PRKN: variants seen among roughly 807,000 people sequenced by gnomAD.
PRKN encodes the protein parkin RBR E3 ubiquitin protein ligase, also known as E3 ubiquitin-protein ligase parkin.
In PRKN, 56 loss-of-function variants were observed where a neutral mutation model predicts 59.5. The ratio of observed to expected loss-of-function variants is 0.94; its 90% CI spans 0.76 to 1.18. The LOEUF (loss-of-function observed/expected upper bound fraction) is 1.18, where lower values mean the gene tolerates loss of function less well. Ranked by LOEUF, PRKN falls within the 50% of genes most tolerant of loss-of-function variation. The probability of loss-of-function intolerance (pLI) is 0.00; values close to 1 mark genes in which losing one functional copy is unlikely to be tolerated. For synonymous variants in PRKN, 250 were observed against 222.1 expected (o/e 1.13, Z -1.12); for missense variants, 657 against 596.4 (o/e 1.10, Z -1.06).
At chr6:162,216,117 T>A (rs1777639628) in intron 3 of PRKN, among the ~76,000 whole-genome samples, 1 of 152,292 alleles carries the variant, frequency 6.6e-6, no homozygotes, top group African/African-American at 2.4e-5. Context: ...GGATGGGGAA[T>A]AGCTGCAGCC....
intron 9 of PRKN, among the ~76,000 whole-genome samples, chr6:161,523,177 T>A (rs1226111509): frequency 5.9e-5 from 9 of 152,236 alleles, no homozygotes; most frequent in Admixed American, 5.9e-4. Context: ...TCTATTATGC[T>A]AAGATAATTT....
intron 1 of PRKN, among the ~76,000 whole-genome samples, chr6:162,611,157 T>C (rs1345090274): frequency 1.3e-5 from 2 of 152,302 alleles, no homozygotes; most frequent in East Asian, 3.9e-4. Flanking sequence ...TAAAGACTGC[T>C]AGTACCATAT....
At chr6:162,376,353 A>G (rs927685345) in intron 2 of PRKN, among the ~76,000 whole-genome samples, 7 of 152,108 alleles carry the variant, frequency 4.6e-5, no homozygotes, top group Non-Finnish European at 8.8e-5. Context: ...ATTGTATTAT[A>G]TTACCAGTTT....
At chr6:162,035,827 G>T (rs1434754940) in intron 5 of PRKN, among the ~76,000 whole-genome samples, 1 of 152,110 alleles carries the variant, frequency 6.6e-6, no homozygotes, top group Admixed American at 6.5e-5. Context: ...AATAAATGAT[G>T]CATAAAAAGT....
At chr6:161,673,854 T>A (rs138508665) in intron 7 of PRKN, among the ~76,000 whole-genome samples, 1 of 152,162 alleles carries the variant, frequency 6.6e-6, no homozygotes, top group African/African-American at 2.4e-5. Flanking sequence ...AGATGATGCT[T>A]GTGTCCATTT....
chr6:161,652,568 G>A (rs1400319610), intron 7 of PRKN, among the ~76,000 whole-genome samples: 3 of 152,094 alleles, frequency 2.0e-5, no homozygotes, highest in Non-Finnish European at 2.9e-5. Flanking sequence ...AATGTGTAGC[G>A]ATAAGGGATT....
At chr6:161,814,897 TC>T (rs1452764710) in intron 6 of PRKN, among the ~76,000 whole-genome samples, 2 of 152,132 alleles carry the variant, frequency 1.3e-5, no homozygotes, top group Non-Finnish European at 2.9e-5. Context: ...TTCAATTACC[TC>T]CCACAGGGTC....
At chr6:162,533,907 G>C (rs1048920013) in intron 1 of PRKN, among the ~76,000 whole-genome samples, 2 of 149,622 alleles carry the variant, frequency 1.3e-5, no homozygotes, top group African/African-American at 4.9e-5. Flanking sequence ...GGAGGCAGAG[G>C]TTGCAGTGAG....
At chr6:162,604,379 C>G (rs1347882541) in intron 1 of PRKN, among the ~76,000 whole-genome samples, 1 of 152,168 alleles carries the variant, frequency 6.6e-6, no homozygotes, top group East Asian at 1.9e-4. Flanking sequence ...TTGCTTTCCC[C>G]TGTAGCTTCC....
At chr6:162,276,707 C>G (rs12153904) in intron 2 of PRKN, among the ~76,000 whole-genome samples, 19,825 of 144,328 alleles carry the variant, frequency 0.14, 1,922 homozygotes, top group East Asian at 0.55. Flanking sequence ...GTGTGTGTGT[C>G]TGTGTGTGTG....
intron 2 of PRKN, among the ~76,000 whole-genome samples, chr6:162,417,868 G>T (rs1471823633): frequency 5.9e-5 from 9 of 152,156 alleles, no homozygotes; most frequent in African/African-American, 2.2e-4. Context: ...CACCTTCATA[G>T]TAGACTTTTC....
intron 7 of PRKN, among the ~76,000 whole-genome samples, chr6:161,665,938 C>G (rs188690578): frequency 6.6e-6 from 1 of 152,078 alleles, no homozygotes; most frequent in Non-Finnish European, 1.5e-5. Flanking sequence ...CCAGCCCATG[C>G]CCAGCATGGA....
intron 3 of PRKN, among the ~76,000 whole-genome samples, chr6:162,262,276 A>G (rs542464101): frequency 1.1e-4 from 17 of 152,294 alleles, no homozygotes; most frequent in African/African-American, 3.8e-4. Flanking sequence ...ATTTTTCTAC[A>G]TCACTAGAAA....
chr6:162,095,654 T>G (rs1323788820), intron 4 of PRKN, among the ~76,000 whole-genome samples: 2 of 152,202 alleles, frequency 1.3e-5, no homozygotes, highest in Non-Finnish European at 2.9e-5. Flanking sequence ...TTACTCATTT[T>G]GCATTTCTTT....
At chr6:161,610,895 A>C (rs1397239131) in intron 7 of PRKN, among the ~76,000 whole-genome samples, 1 of 152,146 alleles carries the variant, frequency 6.6e-6, no homozygotes, top group Non-Finnish European at 1.5e-5. Flanking sequence ...GGTGTCACCG[A>C]AGAGGTAGAG....
Position 161,579,182 on chromosome 6 carries a change from T to C in PRKN, c.872-9766A>G, listed in dbSNP as rs1781246192. On this transcript the variant is annotated intron_variant, in intron 7 of 11. Coordinates refer to ENST00000366898, the MANE Select transcript of PRKN (RefSeq NM_004562.3). This position sits in a 1 kb window ranked among gnomAD's most constrained non-coding sequence, Gnocchi z 4.2. The stretch of plus-strand genomic sequence containing the variant: ...ATGGAATTTTGTGCTCTCTTTAATA[T>C]GTTTTTCCACAGATTATGGTGGTTG... Among the ~76,000 whole-genome samples, 1 of 152,232 alleles carries C rather than the reference T, an allele frequency of 6.6e-6. No homozygotes were observed.
chr6:162,398,943 A>T (rs533554103), intron 2 of PRKN, among the ~76,000 whole-genome samples: 1 of 152,314 alleles, frequency 6.6e-6, no homozygotes, highest in South Asian at 2.1e-4. Context: ...TGAAGATGTA[A>T]ATTTTTACTT....
intron 2 of PRKN, among the ~76,000 whole-genome samples, chr6:162,355,414 T>A (rs1406094983): frequency 6.6e-6 from 1 of 151,894 alleles, no homozygotes; most frequent in Non-Finnish European, 1.5e-5. Flanking sequence ...TATCTATATA[T>A]ATATAACAAT....
Position 162,201,222 on chromosome 6 carries a change from A to C in PRKN, c.443T>G (p.Val148Gly). 6.2e-7 allele frequency: 1 copy of C among 1,613,928 alleles called. No individual in the cohort carries two copies. Among genetic ancestry groups the C allele is most frequent in the South Asian group, 1.1e-5 (1 of 91,080 alleles). The change falls in exon 4 of 12, where the codon GTG (valine) becomes GGG (glycine). Residue 148 changes from valine to glycine, a missense_variant. Physicochemically the swap from Val to Gly is moderately radical, Grantham distance 109. Transcript: ENST00000366898. ...AGRSIYNSFYVYCKGPCQRVQ... is the reference protein window; with the variant it reads ...AGRSIYNSFYGYCKGPCQRVQ... ...TCTTTGACAGGGGCCTTTGCAATAC[A>C]CATAAAAGCTGTTGTAGATTGATCT...
Sources: gnomAD v4.1 joint callset for allele counts (sites outside exome capture counted in the v4.1 genomes callset) on GRCh38, gnomAD v4.1.1 for gene constraint, Gnocchi (gnomAD v3.1) non-coding constraint, MANE v1.5 for transcripts, NCBI Gene and HGNC (gene_info 2026-07-23, HGNC 2026-07-21) for gene names.